SPAG9: variants seen among roughly 807,000 people sequenced by gnomAD.
The protein encoded by SPAG9 is sperm associated antigen 9.
A neutral mutation model predicts 166.5 loss-of-function variants in SPAG9; 35 were observed. The ratio of observed to expected loss-of-function variants is 0.21; its 90% CI spans 0.16 to 0.28. The LOEUF (loss-of-function observed/expected upper bound fraction) is 0.28. SPAG9 is among the 10% of genes least tolerant of loss of function. The pLI, the probability that SPAG9 is intolerant of heterozygous loss-of-function variation, is 1.00. For missense variants in SPAG9, 1,235 were observed against 1,603.3 expected (o/e 0.77, Z 3.92); for synonymous variants, 534 against 565.5 (o/e 0.94, Z 0.79).
chr17:51,104,789 C>A (rs937582796), intron 1 of SPAG9, among the ~76,000 whole-genome samples: 94 of 151,594 alleles, frequency 6.2e-4, no homozygotes, highest in African/African-American at 2.2e-3. Context: ...AAAAATTAGC[C>A]GGGCGTGGTA....
intron 10 of SPAG9, 56 bp from the exon 11 acceptor site, chr17:51,006,293 C>T: frequency 6.5e-7 from 1 of 1,544,326 alleles, no homozygotes; most frequent in Non-Finnish European, 8.9e-7. Flanking sequence ...TTCCATCTTT[C>T]AGCTATTCCT....
intron 1 of SPAG9, among the ~76,000 whole-genome samples, chr17:51,089,698 T>C (rs940983174): frequency 7.2e-6 from 1 of 139,062 alleles, no homozygotes; most frequent in African/African-American, 2.6e-5. Context: ...TTTTTTGATA[T>C]GGAGTCTCGC....
Position 51,041,526 on chromosome 17 carries a change from T to C in SPAG9, c.716A>G (p.Gln239Arg). Reference sequence around the variant, plus strand: ...CTTCAGGCTGGTATGAGAACGTGGTTGACTTAATTCCTGAAATTTCCATTG... The same window carrying C: ...CTTCAGGCTGGTATGAGAACGTGGTCGACTTAATTCCTGAAATTTCCATTG... ...SEQWKFQELSQPRSHTSLKVS... is the reference protein window; with the variant it reads ...SEQWKFQELSRPRSHTSLKVS... Residue 239 changes from glutamine to arginine, a missense_variant, in exon 5 of 30, where the codon CAA becomes CGA. Coordinates refer to ENST00000262013, the MANE Select transcript of SPAG9 (RefSeq NM_001130528.3). 1 of 1,613,994 alleles carries C rather than the reference T, an allele frequency of 6.2e-7. No individual in the cohort carries two copies. The highest frequency in any genetic ancestry group is 8.5e-7 in the Non-Finnish European group (1 of 1,179,908).
chr17:51,097,652 C>T (rs1049922924), intron 1 of SPAG9, among the ~76,000 whole-genome samples: 3 of 152,010 alleles, frequency 2.0e-5, no homozygotes, highest in South Asian at 4.1e-4. Flanking sequence ...TAAGTGTTGT[C>T]GGTAGTCTTG....
In SPAG9 at chr17:50,974,947, G is replaced by C; in HGVS notation, c.3524C>G (p.Thr1175Arg). ...GVIISIPLTE[T>R]NKTSGVPGNR... is the part of the protein sequence containing the mutation. ...TCCTGGTACACCTGAGGTTTTATTT[G>C]CTGCAACAGAAAAACCAAATACCAA... The change falls in exon 28 of 30, where the codon ACA (threonine) becomes AGA (arginine). Residue 1175 changes from threonine (T) to arginine (R), a missense_variant and splice_region_variant. Coordinates refer to ENST00000262013, the MANE Select transcript of SPAG9 (RefSeq NM_001130528.3). 1 of 1,608,084 alleles carries C rather than the reference G, an allele frequency of 6.2e-7. No individual in the cohort carries two copies. The highest frequency in any genetic ancestry group is 8.5e-7 in the Non-Finnish European group (1 of 1,178,470).
intron 2 of SPAG9, among the ~76,000 whole-genome samples, chr17:51,077,029 T>TATCTAGCTATCTAGCTAG (rs2048008868): frequency 1.5e-5 from 1 of 65,274 alleles, no homozygotes; most frequent in Admixed American, 1.5e-4. Context: ...TATCTAGCTA[T>TATCTAGCTATCTAGCTAG]CTATCTAGCT....
intron 8 of SPAG9, among the ~76,000 whole-genome samples, chr17:51,016,631 C>T (rs1413623033): frequency 6.6e-6 from 1 of 152,170 alleles, no homozygotes; most frequent in Non-Finnish European, 1.5e-5. Context: ...TGAAATGGGC[C>T]GTAGCAGTGG....
chr17:51,107,819 G>A lies in SPAG9; in HGVS notation c.303+12535C>T, dbSNP rs187797933. Among the ~76,000 whole-genome samples, 5 of 151,842 alleles carry A rather than the reference G, an allele frequency of 3.3e-5. No individual in the cohort carries two copies. In the East Asian group the frequency reaches 7.7e-4, roughly 23 times the overall value. ...AATCTCAGTTACTTGGGAGGCTAAG[G>A]TAGGGGGATAGCTTGAGCCCAGGAG... On this transcript the variant is annotated intron_variant, in intron 1 of 29. Coordinates refer to ENST00000262013, the MANE Select transcript of SPAG9 (RefSeq NM_001130528.3).
chr17:50,980,047 C>T (rs1418462026), intron 25 of SPAG9, 130 bp from the exon 26 acceptor site: 11 of 758,514 alleles, frequency 1.5e-5, no homozygotes, highest in Non-Finnish European at 2.3e-5. Context: ...AACATGATTA[C>T]TCTTATATAC....
At chr17:50,995,398 A>T (rs1225146139) in intron 17 of SPAG9, 46 bp downstream of exon 17, 1 of 1,499,480 alleles carries the variant, frequency 6.7e-7, no homozygotes, top group Non-Finnish European at 9.2e-7. Context: ...AAAAAAAACT[A>T]CCCAGAGTTT....
At chr17:51,109,487 G>A (rs1381192604) in intron 1 of SPAG9, among the ~76,000 whole-genome samples, 1 of 151,978 alleles carries the variant, frequency 6.6e-6, no homozygotes, top group African/African-American at 2.4e-5. Flanking sequence ...TGCCCACCTC[G>A]GCCTTCCAAA....
intron 13 of SPAG9, among the ~76,000 whole-genome samples, chr17:51,001,437 T>C (rs1567983549): frequency 6.6e-6 from 1 of 152,218 alleles, no homozygotes. Flanking sequence ...GGGTAAGTAG[T>C]ATTGATTTCT....
intron 2 of SPAG9, among the ~76,000 whole-genome samples, chr17:51,064,116 C>T (rs1357350243): frequency 6.6e-6 from 1 of 152,090 alleles, no homozygotes; most frequent in Non-Finnish European, 1.5e-5. Context: ...ACTTAAGGCC[C>T]TTAACTAATT....
intron 1 of SPAG9, among the ~76,000 whole-genome samples, chr17:51,115,227 G>C (rs2144798074): frequency 6.6e-6 from 1 of 152,216 alleles, no homozygotes; most frequent in African/African-American, 2.4e-5. Flanking sequence ...GTCTTGCCCT[G>C]TTGTCAAGGC....
chr17:51,039,773 A>G (rs1488283488), intron 5 of SPAG9, among the ~76,000 whole-genome samples: 1 of 152,212 alleles, frequency 6.6e-6, no homozygotes, highest in African/African-American at 2.4e-5. Context: ...GGTAGTATTA[A>G]AATATAGTTA....
At position 51,025,271 on chromosome 17, in the gene SPAG9, T is replaced by C. The variant is rs2046110448; in HGVS notation, c.784-3906A>G. ...AGACGGAGGCTGCAGTGAGCCAAAA[T>C]TGTGCCACCACACTCCAGTCTGGTG... On this transcript the variant is annotated intron_variant, in intron 6 of 29. Coordinates refer to ENST00000262013, the MANE Select transcript of SPAG9 (RefSeq NM_001130528.3). Among the ~76,000 whole-genome samples the C allele has an allele frequency of 2.3e-5, 3 of 130,966 alleles. No individual in the cohort carries two copies. In the Admixed American group the frequency reaches 2.6e-4, roughly 11 times the overall value. 85.9% of individuals were successfully genotyped at this position (130,966 alleles called of 152,430 possible). A position where few individuals can be genotyped will look rare whatever the true frequency, so the allele number is the denominator to read the frequency against.
At chr17:51,089,620 T>TTA (rs746370783) in intron 1 of SPAG9, among the ~76,000 whole-genome samples, 3,266 of 39,750 alleles carry the variant, frequency 0.082, 128 homozygotes, top group South Asian at 0.095. Context: ...ACACTTTATT[T>TTA]TATATATATA....
chr17:51,069,931 G>C (rs1267082244), intron 2 of SPAG9, among the ~76,000 whole-genome samples: 2 of 152,096 alleles, frequency 1.3e-5, no homozygotes, highest in Non-Finnish European at 2.9e-5. Context: ...AAGGAAGGAA[G>C]GGCGGAATTA....
intron 1 of SPAG9, among the ~76,000 whole-genome samples, chr17:51,110,771 A>G (rs1428176757): frequency 6.6e-6 from 1 of 152,040 alleles, no homozygotes; most frequent in Admixed American, 6.6e-5. Context: ...CACCTCACAC[A>G]TTTTTGGGTG....
Sources: gnomAD v4.1 joint callset for allele counts (sites outside exome capture counted in the v4.1 genomes callset) on GRCh38, gnomAD v4.1.1 for gene constraint, MANE v1.5 for transcripts, NCBI Gene and HGNC (gene_info 2026-07-23, HGNC 2026-07-21) for gene names.